Variants in ARB2A observed in about 807,000 individuals in gnomAD.
ARB2A encodes the protein ARB2 cotranscriptional regulator A.
chr5:93,838,540 C>T, the ARB2A span, among the ~76,000 whole-genome samples: 18 of 149,084 alleles, frequency 1.2e-4, no homozygotes, highest in African/African-American at 4.4e-4. Flanking sequence ...CAGTGCAAGA[C>T]TCTGTATCAA....
At chr5:93,779,729 G>T in the ARB2A span, among the ~76,000 whole-genome samples, 2 of 152,134 alleles carry the variant, frequency 1.3e-5, no homozygotes, top group Non-Finnish European at 2.9e-5. Flanking sequence ...AGGAAAAAGA[G>T]AAAAATAGGT....
At chr5:94,025,219 AACAG>A in the ARB2A span, among the ~76,000 whole-genome samples, 1 of 152,186 alleles carries the variant, frequency 6.6e-6, no homozygotes, top group Admixed American at 6.5e-5. Flanking sequence ...TAGCTTAAAT[AACAG>A]ACATTTATTT....
the ARB2A span, among the ~76,000 whole-genome samples, chr5:93,777,103 T>C: frequency 4.3e-5 from 6 of 139,288 alleles, no homozygotes; most frequent in South Asian, 1.3e-3. Context: ...TGTATCAAAA[T>C]AGTTGTAAAG....
At chr5:93,691,227 T>C in the ARB2A span, among the ~76,000 whole-genome samples, 6 of 152,016 alleles carry the variant, frequency 3.9e-5, no homozygotes, top group East Asian at 1.2e-3. Context: ...AACAAACTCC[T>C]CTGAGCTATA....
the ARB2A span, among the ~76,000 whole-genome samples, chr5:93,947,088 T>C: frequency 6.6e-6 from 1 of 152,340 alleles, no homozygotes; most frequent in South Asian, 2.1e-4. Context: ...GATAGTTTAA[T>C]GATCTGACTT....
At chr5:93,917,685 C>T in the ARB2A span, among the ~76,000 whole-genome samples, 2 of 152,092 alleles carry the variant, frequency 1.3e-5, no homozygotes, top group South Asian at 4.2e-4. Context: ...CGAGACCAGC[C>T]TGGGAAACAA....
chr5:93,873,724 T>C, the ARB2A span, among the ~76,000 whole-genome samples: 3 of 152,210 alleles, frequency 2.0e-5, no homozygotes, highest in African/African-American at 7.2e-5. Flanking sequence ...ATAGTGACCT[T>C]GTCAGGTGGG....
chr5:93,917,443 T>C, the ARB2A span, among the ~76,000 whole-genome samples: 1 of 152,216 alleles, frequency 6.6e-6, no homozygotes, highest in Non-Finnish European at 1.5e-5. Context: ...TGTACTCCAG[T>C]TCTTTTTCTT....
At chr5:93,761,994 T>C in the ARB2A span, among the ~76,000 whole-genome samples, 1 of 151,876 alleles carries the variant, frequency 6.6e-6, no homozygotes, top group Non-Finnish European at 1.5e-5. Context: ...TGAGGGTCCT[T>C]ACTGTTAGAA....
chr5:93,876,381 C>T, the ARB2A span, among the ~76,000 whole-genome samples: 1 of 151,946 alleles, frequency 6.6e-6, no homozygotes. Context: ...CAAATCAATC[C>T]CCTTAATAAA....
chr5:93,890,203 A>G, the ARB2A span, among the ~76,000 whole-genome samples: 1 of 152,004 alleles, frequency 6.6e-6, no homozygotes, highest in African/African-American at 2.4e-5. Context: ...TTTTAGATAT[A>G]GAAATATTTT....
chr5:93,683,739 G>A, the ARB2A span: 6 of 1,605,466 alleles, frequency 3.7e-6, no homozygotes, highest in Admixed American at 1.7e-5. Context: ...ACGCACTTAG[G>A]TAGGAGAGAA....
chr5:93,950,507 G>A, the ARB2A span, among the ~76,000 whole-genome samples: 1 of 152,136 alleles, frequency 6.6e-6, no homozygotes, highest in East Asian at 1.9e-4. Context: ...GCCAGGCGTG[G>A]TGGTGCATAC....
At chr5:93,746,487 A>G in the ARB2A span, among the ~76,000 whole-genome samples, 1 of 152,286 alleles carries the variant, frequency 6.6e-6, no homozygotes, top group Admixed American at 6.5e-5. Context: ...TTAATTTCAG[A>G]TTAAGATTAT....
chr5:94,061,143 CAGG>C, the ARB2A span, among the ~76,000 whole-genome samples: 1 of 152,016 alleles, frequency 6.6e-6, no homozygotes, highest in Non-Finnish European at 1.5e-5. Flanking sequence ...GAGGCTGAGG[CAGG>C]AGAACGGTGT....
At chr5:94,095,344 T>A in the ARB2A span, among the ~76,000 whole-genome samples, 1 of 152,160 alleles carries the variant, frequency 6.6e-6, no homozygotes, top group Non-Finnish European at 1.5e-5. Flanking sequence ...ATTATGTTTT[T>A]TACTAAATCG....
the ARB2A span, among the ~76,000 whole-genome samples, chr5:93,969,707 T>C: frequency 7.9e-5 from 12 of 152,264 alleles, no homozygotes; most frequent in Non-Finnish European, 1.0e-4. Flanking sequence ...GGAAGAGTTA[T>C]ATTCATCCTA....
chr5:93,899,229 C>T, the ARB2A span, among the ~76,000 whole-genome samples: 6 of 152,076 alleles, frequency 3.9e-5, no homozygotes, highest in East Asian at 9.7e-4. Flanking sequence ...AAATTAGAAA[C>T]ATTTGGTATC....
the ARB2A span, among the ~76,000 whole-genome samples, chr5:93,978,576 G>T: frequency 6.6e-6 from 1 of 151,980 alleles, no homozygotes; most frequent in Non-Finnish European, 1.5e-5. Context: ...GTAGACATGG[G>T]CACAAAGATG....
Sources: gnomAD v4.1 joint callset for allele counts (sites outside exome capture counted in the v4.1 genomes callset) on GRCh38, gnomAD v4.1.1 for gene constraint, MANE v1.5 for transcripts, NCBI Gene and HGNC (gene_info 2026-07-23, HGNC 2026-07-21) for gene names.